Variants in LMBR1 observed in about 807,000 individuals in gnomAD.
The protein encoded by LMBR1 is limb development membrane protein 1.
Under a neutral mutation model 73.9 loss-of-function variants are expected in LMBR1, and 52 were observed. The ratio of observed to expected loss-of-function variants is 0.70; its 90% confidence interval spans 0.56 to 0.89. The LOEUF is 0.89. LMBR1 is among the 40% of genes least tolerant of loss of function. LMBR1 has a pLI of 0.00. For missense variants in LMBR1, 539 were observed against 579.8 expected, an observed-to-expected ratio of 0.93 and a Z score of 0.72; for synonymous variants, 215 against 209.4, an observed-to-expected ratio of 1.03 and a Z score of -0.23.
intron 1 of LMBR1, among the ~76,000 whole-genome samples, chr7:156,842,642 T>C (rs2133985614): frequency 6.6e-6 from 1 of 152,328 alleles, no homozygotes; most frequent in South Asian, 2.1e-4. Context: ...ACACAGTTTT[T>C]AATTTCTTTT....
Position 156,670,206 on chromosome 7 carries a change from A to AGG in LMBR1, n.867-921_867-920dup, listed in dbSNP as rs1802170146. On this transcript the variant is annotated intron_variant and non_coding_transcript_variant, in intron 4 of 4. Coordinates refer to the LMBR1 transcript ENST00000430825. The surrounding 1 kb of genome is among the most constrained non-coding windows in gnomAD (Gnocchi z 4.3). ...ACACAATTCGTATTTCCCACCCACT[A>AGG]GGGCACACACATTTCCTTCTTTGCA... Among the ~76,000 whole-genome samples, 1 of 152,226 alleles carries AGG rather than the reference A, an allele frequency of 6.6e-6. No homozygotes were observed. Among genetic ancestry groups the AGG allele is most frequent in the African/African-American group, 2.4e-5 (1 of 41,472 alleles).
At chr7:156,822,070 A>G (rs570946877) in intron 4 of LMBR1, among the ~76,000 whole-genome samples, 170 of 152,388 alleles carry the variant, frequency 1.1e-3, no homozygotes, top group African/African-American at 3.1e-3. Flanking sequence ...TGCACAAAAT[A>G]CATGCCTTTG....
intron 9 of LMBR1, among the ~76,000 whole-genome samples, chr7:156,749,073 T>G (rs1052718194): frequency 6.6e-6 from 1 of 152,210 alleles, no homozygotes; most frequent in Non-Finnish European, 1.5e-5. Flanking sequence ...TTTTTGATTA[T>G]ATTTGATCAC....
intron 3 of LMBR1, among the ~76,000 whole-genome samples, chr7:156,830,739 G>A (rs533609199): frequency 2.0e-5 from 3 of 152,280 alleles, no homozygotes; most frequent in Admixed American, 6.5e-5. Context: ...ATTCTTAAGC[G>A]GTAACACTGT....
intron 1 of LMBR1, among the ~76,000 whole-genome samples, chr7:156,849,957 C>T (rs1036723828): frequency 1.3e-5 from 2 of 152,148 alleles, no homozygotes; most frequent in African/African-American, 4.8e-5. Flanking sequence ...AATCTCATTA[C>T]CTTCACCCAA....
intron 1 of LMBR1, among the ~76,000 whole-genome samples, chr7:156,892,152 A>G (rs1010456931): frequency 9.9e-5 from 15 of 152,258 alleles, no homozygotes; most frequent in Non-Finnish European, 7.3e-5. Context: ...CACATGGAAC[A>G]TGGGCCAAAA....
intron 4 of LMBR1, among the ~76,000 whole-genome samples, chr7:156,671,416 C>T (rs1357604534): frequency 1.3e-5 from 2 of 152,082 alleles, no homozygotes; most frequent in Admixed American, 1.3e-4. Context: ...TGATACCTGA[C>T]GAAAGAGATT....
intron 1 of LMBR1, among the ~76,000 whole-genome samples, chr7:156,861,668 C>G (rs1797737568): frequency 6.6e-6 from 1 of 152,222 alleles, no homozygotes. Context: ...TAACAGCACC[C>G]AAGTTACCTC....
At chr7:156,783,542 G>A (rs534361643) in intron 5 of LMBR1, among the ~76,000 whole-genome samples, 49 of 152,100 alleles carry the variant, frequency 3.2e-4, no homozygotes, top group African/African-American at 1.0e-3. Context: ...AATATCATTC[G>A]TTAGATTTAT....
At chr7:156,760,232 G>A in intron 8 of LMBR1, among the ~76,000 whole-genome samples, 1 of 152,186 alleles carries the variant, frequency 6.6e-6, no homozygotes, top group Non-Finnish European at 1.5e-5. Context: ...CTGATTCTTT[G>A]AGGAAAAACT....
chr7:156,753,383 A>C, intron 9 of LMBR1, among the ~76,000 whole-genome samples: 1 of 152,026 alleles, frequency 6.6e-6, no homozygotes, highest in Non-Finnish European at 1.5e-5. Flanking sequence ...GTAAAAGGGA[A>C]CAGGAGGGCA....
At chr7:156,877,162 GAATA>G (rs1800299735) in intron 1 of LMBR1, among the ~76,000 whole-genome samples, 2 of 151,830 alleles carry the variant, frequency 1.3e-5, no homozygotes, top group African/African-American at 4.8e-5. Context: ...TAGAAGAGAT[GAATA>G]AATTCCTGGA....
intron 1 of LMBR1, among the ~76,000 whole-genome samples, chr7:156,845,087 T>A (rs1839378392): frequency 6.6e-6 from 1 of 152,158 alleles, no homozygotes; most frequent in South Asian, 2.1e-4. Flanking sequence ...AGGACTGCTA[T>A]CACCAACACA....
intron 1 of LMBR1, among the ~76,000 whole-genome samples, chr7:156,889,271 A>G (rs1802484696): frequency 6.6e-6 from 1 of 152,188 alleles, no homozygotes; most frequent in Admixed American, 6.5e-5. Context: ...TTGATGAAAA[A>G]GATCTGGAAA....
chr7:156,813,783 C>T (rs1833478705), intron 4 of LMBR1, among the ~76,000 whole-genome samples: 1 of 152,142 alleles, frequency 6.6e-6, no homozygotes, highest in Non-Finnish European at 1.5e-5. Flanking sequence ...TGCAAAGCCT[C>T]ACTTTGGTTA....
chr7:156,826,124 C>T lies in LMBR1; in HGVS notation c.319+481G>A, dbSNP rs185269329. 3.3e-5 allele frequency among the ~76,000 whole-genome samples: 5 copies of T among 152,244 alleles called. No individual in the cohort carries two copies. The East Asian group carries it at 5.8e-4, about 18-fold the overall frequency. On this transcript the variant is annotated intron_variant, in intron 4 of 16. Coordinates refer to ENST00000353442, the MANE Select transcript of LMBR1 (RefSeq NM_022458.4). ...CCTCCCAAGTAGCTGGGATTATAAG[C>T]GCGTGCCACCATGCCTGGCTAATTT... is the stretch of plus-strand genomic sequence containing the variant.
intron 4 of LMBR1, among the ~76,000 whole-genome samples, chr7:156,820,137 G>A (rs963902265): frequency 3.3e-5 from 5 of 152,098 alleles, no homozygotes; most frequent in Admixed American, 6.6e-5. Context: ...GAAGATTATC[G>A]TTAAGCTTAA....
intron 5 of LMBR1, among the ~76,000 whole-genome samples, chr7:156,794,630 T>C (rs541139278): frequency 6.6e-6 from 1 of 152,326 alleles, no homozygotes; most frequent in East Asian, 1.9e-4. Flanking sequence ...ATAAAAAGTA[T>C]AAATTAGGTA....
rs1349171600 is a variant in LMBR1 at position 156,725,518 on chromosome 7, T to C, written c.1075A>G (p.Met359Val). The change falls in exon 14 of 17, where the codon ATG becomes GTG. Residue 359 changes from methionine (M) to valine (V), a missense_variant. Coordinates refer to ENST00000353442, the MANE Select transcript of LMBR1 (RefSeq NM_022458.4). ...TAGAAGCCGACAACAGAGGACACCA[T>C]AAGATAGCTGTGAGAATCAAGGAAA... ...ALEIILIFYLMVSSVVGFYSL... is the reference protein window; with the variant it reads ...ALEIILIFYLVVSSVVGFYSL... The C allele has an allele frequency of 1.3e-6, 2 of 1,592,754 alleles. No homozygotes were observed. The highest frequency in any genetic ancestry group is 1.4e-5 in the African/African-American group (1 of 73,564).
Sources: gnomAD v4.1 joint callset for allele counts (sites outside exome capture counted in the v4.1 genomes callset) on GRCh38, gnomAD v4.1.1 for gene constraint, Gnocchi (gnomAD v3.1) non-coding constraint, MANE v1.5 for transcripts, NCBI Gene and HGNC (gene_info 2026-07-23, HGNC 2026-07-21) for gene names.